WWOX: variants seen among roughly 807,000 people sequenced by gnomAD.
WWOX encodes the protein WW domain containing oxidoreductase.
WWOX carries 69 observed loss-of-function variants against 46.2 expected under a neutral mutation model. The observed-to-expected ratio is 1.49, with a 90% CI of 1.23 to 1.82. The LOEUF is 1.82. Among genes scored for constraint, WWOX ranks in the 40% most tolerant of loss-of-function variants. The pLI is 0.00. For synonymous variants in WWOX, 359 were observed against 202.6 expected, an observed-to-expected ratio of 1.77 and a Z score of -6.56; for missense variants, 919 against 542.6, an observed-to-expected ratio of 1.69 and a Z score of -6.89.
At chr16:78,391,368 C>A (rs2082171696) in intron 6 of WWOX, among the ~76,000 whole-genome samples, 2 of 152,210 alleles carry the variant, frequency 1.3e-5, no homozygotes, top group Non-Finnish European at 2.9e-5. Context: ...CCATGATTAT[C>A]CCTACTTTGC....
chr16:78,229,530 A>ATG (rs1201840974), intron 5 of WWOX, among the ~76,000 whole-genome samples: 2 of 148,404 alleles, frequency 1.3e-5, no homozygotes, highest in Non-Finnish European at 3.0e-5. Context: ...ATATATATAT[A>ATG]TAAAATAATG....
At chr16:78,446,605 GA>G (rs1318601809) in intron 8 of WWOX, among the ~76,000 whole-genome samples, 4 of 148,128 alleles carry the variant, frequency 2.7e-5, no homozygotes, top group Non-Finnish European at 5.9e-5. Context: ...AATTACTTAT[GA>G]TATGTTTTTC....
intron 8 of WWOX, among the ~76,000 whole-genome samples, chr16:78,765,941 A>T (rs955564310): frequency 1.3e-5 from 2 of 152,188 alleles, no homozygotes; most frequent in African/African-American, 4.8e-5. Context: ...AGGGGTGATC[A>T]GGGATCCCAG....
At chr16:79,004,304 C>T (rs1203275764) in intron 8 of WWOX, 2 of 152,162 alleles carry the variant, frequency 1.3e-5, no homozygotes, top group Admixed American at 6.5e-5. Context: ...AGCCAGTACC[C>T]GTGAATGCTA....
intron 8 of WWOX, among the ~76,000 whole-genome samples, chr16:79,198,760 A>C (rs1046356219): frequency 6.6e-6 from 1 of 152,204 alleles, no homozygotes; most frequent in Non-Finnish European, 1.5e-5. Flanking sequence ...TGGAAATACC[A>C]TATTATTATA....
chr16:78,573,175 G>C (rs767647362), intron 8 of WWOX, among the ~76,000 whole-genome samples: 1 of 151,940 alleles, frequency 6.6e-6, no homozygotes, highest in Admixed American at 6.6e-5. Context: ...AGTCCCAGCT[G>C]CTCAGGAGGC....
intron 8 of WWOX, among the ~76,000 whole-genome samples, chr16:78,724,792 G>A (rs2048785265): frequency 6.6e-6 from 1 of 152,140 alleles, no homozygotes; most frequent in Non-Finnish European, 1.5e-5. Context: ...TTGATGATTT[G>A]ATGAAGTTGT....
intron 6 of WWOX, among the ~76,000 whole-genome samples, chr16:78,390,007 A>T (rs989307760): frequency 2.0e-4 from 31 of 152,204 alleles, no homozygotes; most frequent in African/African-American, 7.2e-4. Flanking sequence ...TTGGCCTCCC[A>T]AACTGCTGGA....
intron 8 of WWOX, among the ~76,000 whole-genome samples, chr16:79,048,349 C>T (rs779639281): frequency 1.3e-5 from 2 of 152,048 alleles, no homozygotes. Context: ...TGCCGGTGCA[C>T]CTGGACTGCC....
chr16:78,436,947 G>T (rs577225753), intron 8 of WWOX, among the ~76,000 whole-genome samples: 1 of 152,302 alleles, frequency 6.6e-6, no homozygotes, highest in Admixed American at 6.5e-5. Context: ...CATTTCTTCC[G>T]TAGGTAAAGG....
rs140217276 is a variant in WWOX, at chr16:79,095,290, T to C, written c.1057-116318T>C. Reference sequence around the variant, plus strand: ...GAGATGGAAAAATGGACCCTGCATTTATAGCTGTTCCTTCAAGGAGCTCAA... The same window carrying C: ...GAGATGGAAAAATGGACCCTGCATTCATAGCTGTTCCTTCAAGGAGCTCAA... On this transcript the variant is annotated intron_variant, in intron 8 of 8. Transcript: ENST00000566780. Among the ~76,000 whole-genome samples, 199 of 152,330 alleles carry C rather than the reference T, an allele frequency of 1.3e-3. 3 individuals carry two copies. Among genetic ancestry groups the C allele is most frequent in the East Asian group, 2.5e-3 (13 of 5,176 alleles).
At chr16:78,981,135 C>T (rs546749942) in intron 8 of WWOX, among the ~76,000 whole-genome samples, 1 of 152,306 alleles carries the variant, frequency 6.6e-6, no homozygotes, top group African/African-American at 2.4e-5. Flanking sequence ...AGTGTCCTAG[C>T]TGGGAGGACC....
chr16:78,905,779 A>G (rs578090295), intron 8 of WWOX, among the ~76,000 whole-genome samples: 1 of 152,318 alleles, frequency 6.6e-6, no homozygotes, highest in Non-Finnish European at 1.5e-5. Context: ...TATACAATGT[A>G]GTTTAAAACC....
chr16:78,924,943 C>G lies in WWOX; in HGVS notation c.1057-286665C>G, dbSNP rs978216902. Among the ~76,000 whole-genome samples the G allele has an allele frequency of 8.5e-5, 13 of 152,250 alleles. No homozygotes were observed. In the South Asian group the frequency reaches 1.5e-3, roughly 17 times the overall value. ...GGCCTGGAGGTTCATGCTTGTAATTCCAGCACTTTGGGGGGCCAAGGCGGG... is the reference window on the plus strand; with the variant it reads ...GGCCTGGAGGTTCATGCTTGTAATTGCAGCACTTTGGGGGGCCAAGGCGGG... On this transcript the variant is annotated intron_variant, in intron 8 of 8. Transcript: ENST00000566780.
intron 8 of WWOX, chr16:78,525,693 C>T (rs899527239): frequency 6.6e-6 from 1 of 152,046 alleles, no homozygotes; most frequent in South Asian, 2.1e-4. Context: ...GTGGGCTGGA[C>T]AGAGCATTCA....
intron 8 of WWOX, among the ~76,000 whole-genome samples, chr16:78,914,339 A>G (rs560456623): frequency 1.3e-5 from 2 of 152,062 alleles, no homozygotes; most frequent in African/African-American, 4.8e-5. Flanking sequence ...TGTCTTCAGC[A>G]CTTAGAACAG....
intron 8 of WWOX, among the ~76,000 whole-genome samples, chr16:78,556,939 G>C (rs756143654): frequency 6.6e-6 from 1 of 152,028 alleles, no homozygotes; most frequent in African/African-American, 2.4e-5. Flanking sequence ...GGCTGGTCTT[G>C]AACTCTTGAC....
intron 8 of WWOX, among the ~76,000 whole-genome samples, chr16:79,175,648 C>T (rs879136290): frequency 1.1e-4 from 16 of 152,292 alleles, no homozygotes; most frequent in Admixed American, 7.2e-4. Context: ...GTGATGAGGA[C>T]GTGCTCTGAT....
chr16:78,389,813 C>T (rs982808926), intron 6 of WWOX, among the ~76,000 whole-genome samples: 1 of 152,122 alleles, frequency 6.6e-6, no homozygotes, highest in Non-Finnish European at 1.5e-5. Context: ...TGCAGTGGTG[C>T]AATCTCTGTT....
Sources: gnomAD v4.1 joint callset for allele counts (sites outside exome capture counted in the v4.1 genomes callset) on GRCh38, gnomAD v4.1.1 for gene constraint, MANE v1.5 for transcripts, NCBI Gene and HGNC (gene_info 2026-07-23, HGNC 2026-07-21) for gene names.